ABCA10: variants seen among roughly 807,000 people sequenced by gnomAD.
ABCA10 encodes ATP-binding cassette sub-family A member 10.
In ABCA10, 169 loss-of-function variants were observed where a neutral mutation model predicts 187.5. The observed-to-expected ratio is 0.90, with a 90% CI of 0.80 to 1.02. ABCA10 has a LOEUF of 1.02. ABCA10 is among the 50% of genes least tolerant of loss of function. ABCA10 has a pLI of 0.00. For synonymous variants in ABCA10, 574 were observed against 601.8 expected (o/e 0.95, Z 0.68); for missense variants, 1,727 against 1,812.4 (o/e 0.95, Z 0.86).
rs753073056 is a variant in ABCA10, at chr17:69,192,663, A to T, written c.1781-10T>A. On this transcript the variant is annotated splice_polypyrimidine_tract_variant and intron_variant, in intron 15 of 38. Transcript: ENST00000690296. ...AGAAATACTTTCCTATCTGAGTAGA[A>T]AGGAAGATTCAAAAAATTATGTGAA... is the stretch of plus-strand genomic sequence containing the variant. The T allele has an allele frequency of 1.2e-6, 2 of 1,602,516 alleles. No homozygotes were observed. The highest frequency in any genetic ancestry group is 1.7e-6 in the Non-Finnish European group (2 of 1,171,408).
intron 1 of ABCA10, among the ~76,000 whole-genome samples, chr17:69,235,816 TA>T (rs2074866193): frequency 1.3e-5 from 2 of 152,206 alleles, no homozygotes; most frequent in Admixed American, 6.5e-5. Flanking sequence ...ACCTTAATTT[TA>T]AAGTTAGAGA....
intron 9 of ABCA10, among the ~76,000 whole-genome samples, chr17:69,210,213 C>T (rs1462305983): frequency 3.9e-5 from 4 of 102,632 alleles, no homozygotes; most frequent in Middle Eastern, 0.011. Context: ...GACGGAGTCT[C>T]GCTCTGTCGC....
intron 4 of ABCA10, 107 bp downstream of exon 4, chr17:69,222,426 G>A: frequency 2.1e-6 from 2 of 943,372 alleles, no homozygotes; most frequent in Non-Finnish European, 3.0e-6. Flanking sequence ...AGAGGGAAAT[G>A]TATATTAATT....
intron 18 of ABCA10, 136 bp downstream of exon 18, chr17:69,190,222 G>T: frequency 9.9e-7 from 1 of 1,006,352 alleles, no homozygotes; most frequent in Non-Finnish European, 1.3e-6. Flanking sequence ...TTTCTATCTA[G>T]TGGACAATGC....
upstream of ABCA10, among the ~76,000 whole-genome samples, chr17:69,231,539 G>A (rs554018077): frequency 1.1e-4 from 16 of 152,210 alleles, no homozygotes; most frequent in South Asian, 3.3e-3. Context: ...AGTGGCTCAT[G>A]AGGATGTTGT....
At chr17:69,217,134 C>G (rs2074712302) in intron 6 of ABCA10, among the ~76,000 whole-genome samples, 2 of 151,748 alleles carry the variant, frequency 1.3e-5, no homozygotes, top group South Asian at 4.2e-4. Context: ...GTAATCCCAA[C>G]TACTAGGGAG....
At position 69,154,079 on chromosome 17, in the gene ABCA10, A is replaced by G. The variant is rs940079536; in HGVS notation, c.3787-70T>C. 3.9e-6 allele frequency: 6 copies of G among 1,541,254 alleles called. 1 individual carries two copies. Among genetic ancestry groups the G allele is most frequent in the Non-Finnish European group, 1.7e-6 (2 of 1,145,206 alleles). On this transcript the variant is annotated intron_variant, in intron 31 of 38. Coordinates refer to ENST00000690296, the MANE Select transcript of ABCA10 (RefSeq NM_001377321.1). ...CAATCCCCCTTCTACTAAAGGAGATAAAAGTGGCCATTAAGCTACAATATT... is the reference window on the plus strand; with the variant it reads ...CAATCCCCCTTCTACTAAAGGAGATGAAAGTGGCCATTAAGCTACAATATT...
At chr17:69,163,349 G>T (rs981453) in intron 27 of ABCA10, among the ~76,000 whole-genome samples, 84,795 of 151,908 alleles carry the variant, frequency 0.56, 25,199 homozygotes, top group Non-Finnish European at 0.67. Context: ...AGTCTTGAAG[G>T]TTCCAGGGTT....
intron 18 of ABCA10, among the ~76,000 whole-genome samples, chr17:69,188,492 C>A (rs2074438194): frequency 6.7e-6 from 1 of 149,978 alleles, no homozygotes. Flanking sequence ...TATCTAGTAG[C>A]CTCCTAAATT....
chr17:69,230,813 T>G (rs1344066360), upstream of ABCA10, among the ~76,000 whole-genome samples: 1 of 152,142 alleles, frequency 6.6e-6, no homozygotes, highest in Non-Finnish European at 1.5e-5. Flanking sequence ...CAAATTCTAT[T>G]ACCTAATCTA....
chr17:69,183,933 A>G (rs2074400963), intron 20 of ABCA10, among the ~76,000 whole-genome samples: 1 of 152,144 alleles, frequency 6.6e-6, no homozygotes, highest in Non-Finnish European at 1.5e-5. Context: ...ACATAACCGG[A>G]GAGCCCTGCT....
chr17:69,220,723 C>A (rs192213854), intron 5 of ABCA10, among the ~76,000 whole-genome samples: 1 of 152,316 alleles, frequency 6.6e-6, no homozygotes, highest in Non-Finnish European at 1.5e-5. Flanking sequence ...CTAGAGCAGA[C>A]GTCTAGCTCT....
intron 6 of ABCA10, 141 bp from the exon 7 acceptor site, chr17:69,216,499 A>G: frequency 1.1e-6 from 1 of 902,062 alleles, no homozygotes; most frequent in South Asian, 2.3e-5. Context: ...TTTTGTGACT[A>G]TTAGCAAGTT....
chr17:69,153,895 G>A lies in ABCA10; in HGVS notation c.3901C>T (p.His1301Tyr). The A allele has an allele frequency of 6.2e-7, 1 of 1,614,112 alleles. No individual in the cohort carries two copies. The highest frequency in any genetic ancestry group is 8.5e-7 in the Non-Finnish European group (1 of 1,179,990). The change falls in exon 32 of 39, where the codon CAC (histidine) becomes TAC (tyrosine). Residue 1301 changes from histidine to tyrosine, a missense_variant. Transcript: ENST00000690296. ...TTCACAGCTGCATACAACTCCAAGT[G>A]CTCTTTCATTGTAAGCTTGGGCCAC... ...SLWPKLTMKE[H>Y]LELYAAVKGL...
chr17:69,230,902 T>C (rs2074827956), upstream of ABCA10, among the ~76,000 whole-genome samples: 1 of 152,168 alleles, frequency 6.6e-6, no homozygotes, highest in African/African-American at 2.4e-5. Context: ...TCCATCTTTC[T>C]TTACATATGA....
chr17:69,189,437 A>C (rs2074444326), intron 18 of ABCA10, among the ~76,000 whole-genome samples: 1 of 152,022 alleles, frequency 6.6e-6, no homozygotes, highest in South Asian at 2.1e-4. Context: ...TGTTGGGTGC[A>C]TAGTTTGCAA....
chr17:69,207,054 A>G (rs1366439886), intron 9 of ABCA10, among the ~76,000 whole-genome samples: 2 of 152,358 alleles, frequency 1.3e-5, no homozygotes, highest in South Asian at 4.1e-4. Context: ...GTAAGAAAAA[A>G]TAACCCAATT....
intron 1 of ABCA10, among the ~76,000 whole-genome samples, chr17:69,236,161 A>T (rs1424557911): frequency 6.6e-6 from 1 of 152,212 alleles, no homozygotes; most frequent in African/African-American, 2.4e-5. Flanking sequence ...GAACTTCAAA[A>T]TGTAAGCAAA....
intron 31 of ABCA10, 62 bp downstream of exon 31, chr17:69,154,173 A>T: frequency 6.8e-7 from 1 of 1,468,322 alleles, no homozygotes; most frequent in Non-Finnish European, 9.3e-7. Context: ...TGATTTACTG[A>T]TAGGAATAAT....
Sources: gnomAD v4.1 joint callset for allele counts (sites outside exome capture counted in the v4.1 genomes callset) on GRCh38, gnomAD v4.1.1 for gene constraint, MANE v1.5 for transcripts, NCBI Gene and HGNC (gene_info 2026-07-23, HGNC 2026-07-21) for gene names.